Variants in IGDCC4 observed in about 807,000 individuals in gnomAD.
The protein encoded by IGDCC4 is immunoglobulin superfamily DCC subclass member 4.
IGDCC4 carries 72 observed loss-of-function variants against 116.6 expected under a neutral mutation model. The ratio of observed to expected loss-of-function variants is 0.62; its 90% CI spans 0.51 to 0.75. IGDCC4 has a LOEUF of 0.75. Among genes scored for constraint, IGDCC4 ranks in the 30% least tolerant of loss-of-function variants. The probability of loss-of-function intolerance (pLI) is 0.00; values close to 1 mark genes in which losing one functional copy is unlikely to be tolerated. For synonymous variants in IGDCC4, 709 were observed against 719.9 expected (o/e 0.98, Z 0.24); for missense variants, 1,501 against 1,662.4 (o/e 0.90, Z 1.69).
rs748388923 is a variant in IGDCC4, at chr15:65,400,994, C to T, written c.701-48G>A. On this transcript the variant is annotated intron_variant, in intron 4 of 19. Coordinates refer to ENST00000352385, the MANE Select transcript of IGDCC4 (RefSeq NM_020962.3). ...GGCAGCCTTACCATTAGGCATTTGC[C>T]ATGCGATACCTCACCTGAGTCTCAC... The T allele has an allele frequency of 3.7e-6, 6 of 1,611,770 alleles. No individual in the cohort carries two copies. The South Asian group carries it at 6.6e-5, about 18-fold the overall frequency.
In IGDCC4 at chr15:65,383,497, G is replaced by A. The variant is rs2140183839; in HGVS notation, c.*512C>T. ...TTTGGGCAATAAGGAGCTGGGAGGTGATGCAGCTGAAATGCCAGGCATTCA... is the reference window on the plus strand; with the variant it reads ...TTTGGGCAATAAGGAGCTGGGAGGTAATGCAGCTGAAATGCCAGGCATTCA... On this transcript the variant is annotated 3_prime_UTR_variant, in exon 20 of 20. Transcript: ENST00000352385. The A allele has an allele frequency of 6.5e-6, 1 of 152,902 alleles. No homozygotes were observed. The highest frequency in any genetic ancestry group is 6.5e-5 in the Admixed American group (1 of 15,320). 9.5% of individuals were successfully genotyped at this position (152,902 alleles called of 1,614,324 possible). A position where few individuals can be genotyped will look rare whatever the true frequency, so the allele number is the denominator to read the frequency against.
intron 1 of IGDCC4, 89 bp downstream of exon 1, chr15:65,422,704 T>C: frequency 9.2e-7 from 1 of 1,088,166 alleles, no homozygotes; most frequent in Non-Finnish European, 1.2e-6. Flanking sequence ...GACTCCGGCT[T>C]GAGCCAGCCC....
rs761920517 is a variant in IGDCC4 at position 65,394,521 on chromosome 15, A to G, written c.1604T>C (p.Leu535Pro). 2 of 1,610,860 alleles carry G rather than the reference A, an allele frequency of 1.2e-6. No individual in the cohort carries two copies. Among genetic ancestry groups the G allele is most frequent in the Non-Finnish European group, 1.7e-6 (2 of 1,178,266 alleles). ...DVPSAAPQLS[L>P]SSPNPSDIRV... ...GATGTCCGAAGGGTTGGGGCTGGAC[A>G]GGGAGAGCTGGGGTGCTGCACTGGG... The change falls in exon 9 of 20, where the codon CTG becomes CCG. Residue 535 changes from leucine to proline, a missense_variant. Leu to Pro is a moderately conservative substitution (Grantham distance 98). Coordinates refer to ENST00000352385, the MANE Select transcript of IGDCC4 (RefSeq NM_020962.3).
chr15:65,422,849 T>TC lies in IGDCC4; in HGVS notation c.13dup (p.Asp5GlyfsTer54). On this transcript the variant is annotated frameshift_variant, in exon 1 of 20. Transcript: ENST00000352385. LOFTEE classifies it high-confidence loss of function. ...GAGGAGCCCGCGGCCGCGGCCGGCG[T>TC]CCCCCCGCGCCATGGGGCTGGGCTC... is the stretch of plus-strand genomic sequence containing the variant. 7 of 1,183,420 alleles carry TC rather than the reference T, an allele frequency of 5.9e-6. No individual in the cohort carries two copies. The highest frequency in any genetic ancestry group is 7.3e-6 in the Non-Finnish European group (7 of 954,432). 73.3% of individuals were successfully genotyped at this position (1,183,420 alleles called of 1,614,324 possible).
intron 1 of IGDCC4, among the ~76,000 whole-genome samples, chr15:65,414,620 T>A (rs896582091): frequency 6.6e-6 from 1 of 152,192 alleles, no homozygotes. Flanking sequence ...CTAATAGACA[T>A]CACTCAAGGA....
At chr15:65,402,592 GGC>G (rs2062999236) in intron 3 of IGDCC4, 105 bp from the exon 4 acceptor site, 14 of 1,408,850 alleles carry the variant, frequency 9.9e-6, no homozygotes, top group South Asian at 9.8e-5. Flanking sequence ...TACCAGGCTG[GGC>G]GCAGTGGCTC....
intron 1 of IGDCC4, among the ~76,000 whole-genome samples, chr15:65,411,974 G>A (rs897859781): frequency 2.0e-5 from 3 of 152,202 alleles, no homozygotes; most frequent in African/African-American, 7.2e-5. Context: ...ACTGTAAAGG[G>A]TGAATTTTGT....
intron 3 of IGDCC4, among the ~76,000 whole-genome samples, chr15:65,408,027 C>A (rs2063056317): frequency 6.6e-6 from 1 of 152,116 alleles, no homozygotes; most frequent in South Asian, 2.1e-4. Flanking sequence ...CCTTGGCTCC[C>A]AAAGTGTTGG....
chr15:65,409,024 T>A (rs2063064938), intron 3 of IGDCC4, among the ~76,000 whole-genome samples: 1 of 151,934 alleles, frequency 6.6e-6, no homozygotes, highest in Non-Finnish European at 1.5e-5. Context: ...TTATAGAAAC[T>A]GGGTTTTGAT....
In IGDCC4 at chr15:65,396,083, C is replaced by A. The variant is rs2062922968; in HGVS notation, c.1078G>T (p.Gly360Trp). Residue 360 changes from glycine to tryptophan, a missense_variant, in exon 7 of 20, where the codon GGG becomes TGG. Around this residue, in one of 3 missense-constraint regions of IGDCC4, gnomAD observed 898 missense variants for 978.9 expected, o/e 0.92. Coordinates refer to ENST00000352385, the MANE Select transcript of IGDCC4 (RefSeq NM_020962.3). ...CAGCGCAGCGCTGGCCGCGGCTCCCCCGACGCGCGGCACACGAAGCGCGCT... is the reference window on the plus strand; with the variant it reads ...CAGCGCAGCGCTGGCCGCGGCTCCCACGACGCGCGGCACACGAAGCGCGCT... ...STARFVCRASGEPRPALRWLH... is the reference protein window; with the variant it reads ...STARFVCRASWEPRPALRWLH... The A allele has an allele frequency of 2.2e-6, 3 of 1,385,178 alleles. No individual in the cohort carries two copies. The highest frequency in any genetic ancestry group is 3.0e-5 in the African/African-American group (2 of 65,628). 85.8% of individuals were successfully genotyped at this position (1,385,178 alleles called of 1,614,324 possible).
chr15:65,384,524 G>A lies in IGDCC4; in HGVS notation c.3343-105C>T. 2 of 1,129,954 alleles carry A rather than the reference G, an allele frequency of 1.8e-6. No individual in the cohort carries two copies. The highest frequency in any genetic ancestry group is 2.5e-6 in the Non-Finnish European group (2 of 812,796). 70.0% of individuals were successfully genotyped at this position (1,129,954 alleles called of 1,614,324 possible). A position where few individuals can be genotyped will look rare whatever the true frequency, so the allele number is the denominator to read the frequency against. On this transcript the variant is annotated intron_variant, in intron 19 of 19. Transcript: ENST00000352385. The surrounding 1 kb of genome is among the most constrained non-coding windows in gnomAD (Gnocchi z 4.9). The stretch of plus-strand genomic sequence containing the variant: ...AAAGTCTGACCCTCCATCAGAGTAA[G>A]TATCACATGGGAGTCGGTGAAGGAT...
chr15:65,385,890 C>T lies in IGDCC4; in HGVS notation c.3121G>A (p.Glu1041Lys), dbSNP rs1432672519. ...PPPSDVEDRA[E>K]VHSLMGGGVS... Reference sequence around the variant, plus strand: ...CCGCCACCCATAAGGCTGTGCACTTCAGCCCTGTCCTCCACGTCTGAGGGT... The same window carrying T: ...CCGCCACCCATAAGGCTGTGCACTTTAGCCCTGTCCTCCACGTCTGAGGGT... Residue 1041 changes from glutamate to lysine, a missense_variant, in exon 18 of 20, where the codon GAA becomes AAA. Around this residue, in one of 3 missense-constraint regions of IGDCC4, gnomAD observed 368 missense variants for 355.6 expected, o/e 1.03. Transcript: ENST00000352385. 6.2e-7 allele frequency: 1 copy of T among 1,612,860 alleles called. No homozygotes were observed. Among genetic ancestry groups the T allele is most frequent in the Non-Finnish European group, 8.5e-7 (1 of 1,180,028 alleles).
chr15:65,403,191 T>G (rs1398010291), intron 3 of IGDCC4, among the ~76,000 whole-genome samples: 2 of 152,200 alleles, frequency 1.3e-5, no homozygotes, highest in Non-Finnish European at 2.9e-5. Flanking sequence ...TAAATTTGTT[T>G]GGGTACATTC....
chr15:65,421,272 C>T (rs1425424922), intron 1 of IGDCC4, among the ~76,000 whole-genome samples: 1 of 152,164 alleles, frequency 6.6e-6, no homozygotes, highest in East Asian at 1.9e-4. Flanking sequence ...TGCCGTTTAG[C>T]TGGGTGACCC....
At chr15:65,414,854 C>A (rs2063128676) in intron 1 of IGDCC4, among the ~76,000 whole-genome samples, 1 of 152,220 alleles carries the variant, frequency 6.6e-6, no homozygotes, top group Non-Finnish European at 1.5e-5. Context: ...TTTGGCCAGG[C>A]TGGTCTTGAA....
At position 65,391,954 on chromosome 15, in the gene IGDCC4, A is replaced by G; in HGVS notation, c.2150T>C (p.Leu717Pro). The change falls in exon 12 of 20, where the codon CTC becomes CCC. Residue 717 changes from leucine (L) to proline (P), a missense_variant. Coordinates refer to ENST00000352385, the MANE Select transcript of IGDCC4 (RefSeq NM_020962.3). Reference protein sequence around the residue: ...LVPGRLYEVKLVAFNKHEDGY... With the variant: ...LVPGRLYEVKPVAFNKHEDGY... ...ATCCTCATGTTTGTTGAAAGCCACG[A>G]GCTTCACCTCGTACAGCCGGCCAGG... 1.9e-6 allele frequency: 3 copies of G among 1,612,820 alleles called. No homozygotes were observed. Among genetic ancestry groups the G allele is most frequent in the African/African-American group, 1.3e-5 (1 of 74,886 alleles).
chr15:65,408,306 G>A (rs2063058877), intron 3 of IGDCC4, among the ~76,000 whole-genome samples: 1 of 152,164 alleles, frequency 6.6e-6, no homozygotes, highest in African/African-American at 2.4e-5. Context: ...GGGGCATCAG[G>A]AGTAGGCTCT....
chr15:65,403,717 C>T (rs1056588315), intron 3 of IGDCC4, among the ~76,000 whole-genome samples: 2 of 152,102 alleles, frequency 1.3e-5, no homozygotes, highest in East Asian at 1.9e-4. Flanking sequence ...TTGGAGAGGA[C>T]GTGGTCTCCA....
chr15:65,408,006 C>A (rs568790778), intron 3 of IGDCC4, among the ~76,000 whole-genome samples: 2 of 151,352 alleles, frequency 1.3e-5, no homozygotes, highest in Admixed American at 6.6e-5. Context: ...TGAGCTCAAG[C>A]GATCCGCCCG....
Sources: allele counts gnomAD v4.1 joint callset (sites outside exome capture counted in the v4.1 genomes callset), GRCh38; gene constraint gnomAD v4.1.1; regional missense constraint gnomAD v4.1.1; non-coding constraint Gnocchi (gnomAD v3.1); transcripts MANE v1.5; gene names NCBI Gene and HGNC (gene_info 2026-07-23, HGNC 2026-07-21).